RDH14: variants seen among roughly 807,000 people sequenced by gnomAD.
The protein encoded by RDH14 is alcohol dehydrogenase PAN2.
Under a neutral mutation model 19.3 loss-of-function variants are expected in RDH14, and 17 were observed. The ratio of observed to expected loss-of-function variants is 0.88; its 90% CI spans 0.60 to 1.32. RDH14 has a LOEUF of 1.32. Ranked by LOEUF, RDH14 falls within the 40% of genes most tolerant of loss-of-function variation. The pLI is 0.00. For missense variants in RDH14, 534 were observed against 449.2 expected, an observed-to-expected ratio of 1.19 and a Z score of -1.71; for synonymous variants, 215 against 188.9, an observed-to-expected ratio of 1.14 and a Z score of -1.13.
intron 1 of RDH14, among the ~76,000 whole-genome samples, chr2:18,559,149 T>C (rs1421621429): frequency 6.6e-6 from 1 of 152,240 alleles, no homozygotes. Context: ...CTCTACGTCA[T>C]ATAGGCACCT....
At chr2:18,557,667 A>C (rs192870715) in intron 1 of RDH14, among the ~76,000 whole-genome samples, 1 of 152,082 alleles carries the variant, frequency 6.6e-6, no homozygotes, top group Admixed American at 6.6e-5. Flanking sequence ...TTCTAATTAT[A>C]GTCACTTAAC....
At chr2:18,558,995 C>G (rs1333851548) in intron 1 of RDH14, among the ~76,000 whole-genome samples, 1 of 152,146 alleles carries the variant, frequency 6.6e-6, no homozygotes, top group Non-Finnish European at 1.5e-5. Flanking sequence ...TCCTCAGGAC[C>G]GCCTGAGGTT....
chr2:18,559,126 T>C (rs1164014591), intron 1 of RDH14, among the ~76,000 whole-genome samples: 1 of 152,232 alleles, frequency 6.6e-6, no homozygotes, highest in Non-Finnish European at 1.5e-5. Context: ...ACCTCTTCTC[T>C]AGACTCAAGA....
chr2:18,555,526 GA>G lies in RDH14; in HGVS notation c.675del (p.Leu226PhefsTer6). The G allele has an allele frequency of 6.2e-7, 1 of 1,614,164 alleles. No individual in the cohort carries two copies. The highest frequency in any genetic ancestry group is 1.3e-5 in the African/African-American group (1 of 75,042). The stretch of plus-strand genomic sequence containing the variant: ...CGGCGGGCTAGTTCCCTGGTAAAAA[GA>G]ATGTTAGCCAGTTTGCTCCGGCTAT... The part of the protein sequence containing the change: ...FCYSRSKLAN[I>X]LFTRELARRL... On this transcript the variant is annotated frameshift_variant, in exon 2 of 2. Transcript: ENST00000381249. LOFTEE classifies it high-confidence loss of function.
intron 1 of RDH14, 78 bp from the exon 2 acceptor site, chr2:18,555,886 C>A: frequency 6.7e-7 from 1 of 1,496,056 alleles, no homozygotes; most frequent in Non-Finnish European, 8.9e-7. Flanking sequence ...ATGATAATTA[C>A]ATTTTAATAA....
In RDH14 at chr2:18,560,261, G is replaced by A. The variant is rs369505817; in HGVS notation, c.312C>T (p.Ser104=). Reference sequence around the variant, plus strand: ...CCCGGACTATGAGCTCGCCCACCCCGCTGACGCCAGGCTCTGGGCCGCACT... The same window carrying A: ...CCCGGACTATGAGCTCGCCCACCCCACTGACGCCAGGCTCTGGGCCGCACT... ...AAECGPEPGV[S]GVGELIVREL... The change falls in exon 1 of 2, where the codon AGC becomes AGT. Residue 104 remains serine (S), a synonymous_variant. Transcript: ENST00000381249. 0.013 allele frequency: 19,557 copies of A among 1,520,088 alleles called. 153 individuals carry two copies. The highest frequency in any genetic ancestry group is 0.015 in the Non-Finnish European group (17,240 of 1,140,470). 94.2% of individuals were successfully genotyped at this position (1,520,088 alleles called of 1,614,324 possible). A position where few individuals can be genotyped will look rare whatever the true frequency, so the allele number is the denominator to read the frequency against.
chr2:18,555,546 C>A lies in RDH14; in HGVS notation c.656G>T (p.Arg219Leu), dbSNP rs574702098. Residue 219 changes from arginine to leucine, a missense_variant, in exon 2 of 2, where the codon CGG (arginine) becomes CTG (leucine). By Grantham distance (102) the Arg-to-Leu change is moderately radical. Transcript: ENST00000381249. ...QSYNKSFCYS[R>L]SKLANILFTR... Reference sequence around the variant, plus strand: ...AAAAAGAATGTTAGCCAGTTTGCTCCGGCTATAACAAAAGCTTTTATTATA... The same window carrying A: ...AAAAAGAATGTTAGCCAGTTTGCTCAGGCTATAACAAAAGCTTTTATTATA... 7.9e-5 allele frequency: 127 copies of A among 1,614,066 alleles called. 2 individuals are homozygous for A. In the South Asian group the frequency reaches 1.4e-3, roughly 17 times the overall value.
At position 18,555,744 on chromosome 2, in the gene RDH14, G is replaced by C; in HGVS notation, c.458C>G (p.Thr153Ser). The change falls in exon 2 of 2, where the codon ACT becomes AGT. Residue 153 changes from threonine (T) to serine (S), a missense_variant. By Grantham distance (58) the Thr-to-Ser change is moderately conservative. Transcript: ENST00000381249. ...AGIFQCPYMKTEDGFEMQFGV... is the reference protein window; with the variant it reads ...AGIFQCPYMKSEDGFEMQFGV... Reference sequence around the variant, plus strand: ...GAACTGCATCTCAAACCCATCTTCAGTCTTCATGTAAGGGCACTGGAAGAT... The same window carrying C: ...GAACTGCATCTCAAACCCATCTTCACTCTTCATGTAAGGGCACTGGAAGAT... 1 of 1,613,976 alleles carries C rather than the reference G, an allele frequency of 6.2e-7. No individual in the cohort carries two copies. Among genetic ancestry groups the C allele is most frequent in the Non-Finnish European group, 8.5e-7 (1 of 1,179,880 alleles).
rs757606620 is a variant in RDH14, at chr2:18,560,295, TGGCGGAGCTCGC to T, written c.266_277del (p.Arg89_Arg92del). On this transcript the variant is annotated inframe_deletion, in exon 1 of 2. Transcript: ENST00000381249. ...AGGCTCTGGGCCGCACTCCGCGGCC[TGGCGGAGCTCGC>T]GGCGGAGCTGACCCGCCGCCTCCTC... 4.0e-5 allele frequency: 60 copies of T among 1,482,770 alleles called. No homozygotes were observed. Among genetic ancestry groups the T allele is most frequent in the African/African-American group, 4.0e-4 (27 of 68,224 alleles). The allele number at this position is 1,482,770 out of a possible 1,614,324, so 91.9% of individuals were successfully genotyped here.
Position 18,560,165 on chromosome 2 carries a change from C to T in RDH14, c.393+15G>A. On this transcript the variant is annotated intron_variant, in intron 1 of 1. Transcript: ENST00000381249. ...CCAGGCCCTCCCCACCAGCCCGGCC[C>T]CCCGAGGCCCACACCTGGAGCATTT... The T allele has an allele frequency of 6.6e-7, 1 of 1,525,434 alleles. No homozygotes were observed. The highest frequency in any genetic ancestry group is 1.4e-5 in the African/African-American group (1 of 71,840). 94.5% of individuals were successfully genotyped at this position (1,525,434 alleles called of 1,614,324 possible). A position where few individuals can be genotyped will look rare whatever the true frequency, so the allele number is the denominator to read the frequency against.
intron 1 of RDH14, among the ~76,000 whole-genome samples, chr2:18,556,948 G>A (rs1235578555): frequency 6.6e-6 from 1 of 152,050 alleles, no homozygotes; most frequent in Non-Finnish European, 1.5e-5. Flanking sequence ...TAACACTGGA[G>A]AGAACATCAT....
Position 18,558,751 on chromosome 2 carries a change from G to C in RDH14, c.393+1429C>G, listed in dbSNP as rs180999322. ...CTCACTGAGCCAGTCTAAGACATAA[G>C]TGATTATTCCTCTATCCCTCCTGCA... On this transcript the variant is annotated intron_variant, in intron 1 of 1. Coordinates refer to ENST00000381249, the MANE Select transcript of RDH14 (RefSeq NM_020905.4). Among the ~76,000 whole-genome samples, 310 of 152,322 alleles carry C rather than the reference G, an allele frequency of 2.0e-3. 7 individuals are homozygous for C. The highest frequency in any genetic ancestry group is 0.018 in the Admixed American group (282 of 15,304).
Position 18,555,104 on chromosome 2 carries a change from C to G in RDH14, c.*87G>C. ...TTCCAATATCAAAATTCTTTTTCTT[C>G]AAGTAACAAGTTCTCAATCCACACC... On this transcript the variant is annotated 3_prime_UTR_variant, in exon 2 of 2. Coordinates refer to ENST00000381249, the MANE Select transcript of RDH14 (RefSeq NM_020905.4). 1 of 1,518,746 alleles carries G rather than the reference C, an allele frequency of 6.6e-7. No individual in the cohort carries two copies. The highest frequency in any genetic ancestry group is 8.8e-7 in the Non-Finnish European group (1 of 1,137,018). The allele number at this position is 1,518,746 out of a possible 1,614,324, so 94.1% of individuals were successfully genotyped here.
chr2:18,558,878 C>T (rs1244876354), intron 1 of RDH14, among the ~76,000 whole-genome samples: 1 of 152,156 alleles, frequency 6.6e-6, no homozygotes, highest in East Asian at 1.9e-4. Context: ...TTCGAGTTGT[C>T]CCACTTTTCC....
rs759709347 is a variant in RDH14, at chr2:18,555,718, C to T, written c.484G>A (p.Gly162Arg). The change falls in exon 2 of 2, where the codon GGA (glycine) becomes AGA (arginine). Residue 162 changes from glycine (G) to arginine (R), a missense_variant. Coordinates refer to ENST00000381249, the MANE Select transcript of RDH14 (RefSeq NM_020905.4). ...AGAAAGTGCCCCAGATGGTTCACTC[C>T]GAACTGCATCTCAAACCCATCTTCA... ...KTEDGFEMQF[G>R]VNHLGHFLLT... is the part of the protein sequence containing the mutation. 12 of 1,613,930 alleles carry T rather than the reference C, an allele frequency of 7.4e-6. No individual in the cohort carries two copies. The highest frequency in any genetic ancestry group is 4.0e-5 in the African/African-American group (3 of 74,900).
At chr2:18,558,118 C>T (rs1235770852) in intron 1 of RDH14, among the ~76,000 whole-genome samples, 1 of 152,086 alleles carries the variant, frequency 6.6e-6, no homozygotes, top group East Asian at 1.9e-4. Flanking sequence ...CTTTGTGGAG[C>T]TGACTTTTAA....
At chr2:18,558,896 C>G (rs1371449806) in intron 1 of RDH14, among the ~76,000 whole-genome samples, 1 of 152,160 alleles carries the variant, frequency 6.6e-6, no homozygotes, top group Non-Finnish European at 1.5e-5. Flanking sequence ...TCCAGGAGAA[C>G]CAATGTATAC....
intron 1 of RDH14, among the ~76,000 whole-genome samples, chr2:18,559,665 A>G (rs913770183): frequency 4.6e-5 from 7 of 152,056 alleles, no homozygotes; most frequent in African/African-American, 1.4e-4. Flanking sequence ...CCCGTTAAGG[A>G]TGGTGCTGAG....
Position 18,560,601 on chromosome 2 carries a change from C to G in RDH14, c.-29G>C. ...CAGGCCCGAGGGCCCACCGGCCCCT[C>G]CACGGGAGTTCCGCAGCCGCCGCCT... On this transcript the variant is annotated 5_prime_UTR_variant, in exon 1 of 2. Transcript: ENST00000381249. 2 of 1,394,726 alleles carry G rather than the reference C, an allele frequency of 1.4e-6. No individual in the cohort carries two copies. Among genetic ancestry groups the G allele is most frequent in the Non-Finnish European group, 1.8e-6 (2 of 1,084,990 alleles). The allele number at this position is 1,394,726 out of a possible 1,614,324, so 86.4% of individuals were successfully genotyped here.
Sources: allele counts gnomAD v4.1 joint callset (sites outside exome capture counted in the v4.1 genomes callset), GRCh38; gene constraint gnomAD v4.1.1; transcripts MANE v1.5; gene names NCBI Gene and HGNC (gene_info 2026-07-23, HGNC 2026-07-21).